CIT: variants seen among roughly 807,000 people sequenced by gnomAD.
CIT encodes the protein citron rho-interacting serine/threonine kinase, also known as citron Rho-interacting kinase.
In CIT, 79 loss-of-function variants were observed where a neutral mutation model predicts 272.7. The observed-to-expected ratio is 0.29, with a 90% CI of 0.24 to 0.35. CIT has a LOEUF of 0.35. Among genes scored for constraint, CIT ranks in the 10% least tolerant of loss-of-function variants. CIT has a pLI of 1.00. For synonymous variants in CIT, 948 were observed against 995.6 expected, an observed-to-expected ratio of 0.95 and a Z score of 0.90; for missense variants, 1,909 against 2,618.3, an observed-to-expected ratio of 0.73 and a Z score of 5.91.
rs936258258 is a variant in CIT at position 119,687,501 on chromosome 12, G to A, written c.*731C>T. The stretch of plus-strand genomic sequence containing the variant: ...CCCCAAGTCACTGCCTCCGAGCTGA[G>A]GCCCCGATGACCTCCATACATTCTC... On this transcript the variant is annotated 3_prime_UTR_variant, in exon 48 of 48. Coordinates refer to ENST00000392521, the MANE Select transcript of CIT (RefSeq NM_001206999.2). 3 of 152,612 alleles carry A rather than the reference G, an allele frequency of 2.0e-5. No individual in the cohort carries two copies. Among genetic ancestry groups the A allele is most frequent in the African/African-American group, 7.2e-5 (3 of 41,414 alleles). 9.5% of individuals were successfully genotyped at this position (152,612 alleles called of 1,614,324 possible). A position where few individuals can be genotyped will look rare whatever the true frequency, so the allele number is the denominator to read the frequency against.
rs1019637713 is a variant in CIT, at chr12:119,728,820, T to C, written c.3487-214A>G. ...ATGGAAATTATTTCTAAGGGATGGC[T>C]CTTAAATATGGCTGTGACAAGTTCT... On this transcript the variant is annotated intron_variant, in intron 27 of 47. Transcript: ENST00000392521. This position sits in a 1 kb window ranked among gnomAD's most constrained non-coding sequence, Gnocchi z 4.3. 9.2e-5 allele frequency among the ~76,000 whole-genome samples: 14 copies of C among 152,250 alleles called. No individual in the cohort carries two copies. Among genetic ancestry groups the C allele is most frequent in the African/African-American group, 3.4e-4 (14 of 41,458 alleles).
Position 119,709,787 on chromosome 12 carries a change from AGTGTGTGTGTGTGTGTGT to A in CIT, c.5071+446_5071+463del, listed in dbSNP as rs150206566. Among the ~76,000 whole-genome samples, 195 of 107,676 alleles carry A rather than the reference AGTGTGTGTGTGTGTGTGT, an allele frequency of 1.8e-3. 1 individual carries two copies. The highest frequency in any genetic ancestry group is 4.1e-3 in the African/African-American group (119 of 28,780). 70.6% of individuals were successfully genotyped at this position (107,676 alleles called of 152,430 possible). On this transcript the variant is annotated intron_variant, in intron 39 of 47. Transcript: ENST00000392521. ...AAGAGAGAGAGAGAGAGAGAGAGAGAGTGTGTGTGTGTGTGTGTGTGTGTGTGTGTGTGTGTGTGTGTG... is the reference window on the plus strand; with the variant it reads ...AAGAGAGAGAGAGAGAGAGAGAGAGAGTGTGTGTGTGTGTGTGTGTGTGTG...
chr12:119,828,453 G>A (rs914256133), intron 7 of CIT, among the ~76,000 whole-genome samples: 29 of 151,814 alleles, frequency 1.9e-4, no homozygotes, highest in African/African-American at 7.0e-4. Context: ...ACTCTCCTCT[G>A]GTGGCAATTC....
At chr12:119,852,179 T>G (rs1347954827) in intron 4 of CIT, among the ~76,000 whole-genome samples, 1 of 152,214 alleles carries the variant, frequency 6.6e-6, no homozygotes, top group African/African-American at 2.4e-5. Flanking sequence ...TCTGCTCTGA[T>G]GCAATAAGAA....
intron 5 of CIT, among the ~76,000 whole-genome samples, chr12:119,836,679 C>T (rs1389253753): frequency 6.6e-6 from 1 of 152,122 alleles, no homozygotes; most frequent in African/African-American, 2.4e-5. Context: ...TTATAAATTT[C>T]CTATGGCTGT....
intron 24 of CIT, among the ~76,000 whole-genome samples, chr12:119,740,358 T>C (rs1958997288): frequency 6.6e-6 from 1 of 152,212 alleles, no homozygotes; most frequent in African/African-American, 2.4e-5. Flanking sequence ...AAGGAAACTT[T>C]TGAGGGTCAT....
chr12:119,861,383 C>T (rs1017254827), intron 3 of CIT, among the ~76,000 whole-genome samples: 4 of 152,064 alleles, frequency 2.6e-5, no homozygotes, highest in African/African-American at 4.8e-5. Context: ...GTCAAGAGTT[C>T]AAGACCAGCC....
chr12:119,845,054 A>T (rs2138207352), intron 5 of CIT, among the ~76,000 whole-genome samples: 1 of 152,178 alleles, frequency 6.6e-6, no homozygotes, highest in Non-Finnish European at 1.5e-5. Context: ...CAGGAGGTGG[A>T]GGTTGCACTG....
chr12:119,702,515 G>A (rs1001032856), intron 41 of CIT, among the ~76,000 whole-genome samples: 4 of 151,896 alleles, frequency 2.6e-5, no homozygotes, highest in Admixed American at 6.6e-5. Flanking sequence ...GTGAAACCCC[G>A]TCTCTACTAA....
intron 5 of CIT, among the ~76,000 whole-genome samples, chr12:119,847,206 G>C (rs1287061221): frequency 6.6e-6 from 1 of 152,118 alleles, no homozygotes; most frequent in Admixed American, 6.6e-5. Context: ...GGATGGTCTC[G>C]ATCTCCTGAC....
intron 44 of CIT, among the ~76,000 whole-genome samples, chr12:119,699,541 C>A (rs1381041435): frequency 1.3e-5 from 2 of 152,226 alleles, no homozygotes; most frequent in Non-Finnish European, 2.9e-5. Flanking sequence ...CTGCTCTAAC[C>A]AGTAGAGCGT....
rs879917156 is a variant in CIT, at chr12:119,770,926, C to T, written c.2083-16G>A. The T allele has an allele frequency of 6.8e-6, 11 of 1,612,236 alleles. No individual in the cohort carries two copies. The Admixed American group carries it at 8.3e-5, about 12-fold the overall frequency. ...GGCGGCGTTCCTGTAGATCATGAAT[C>T]AATCAGAGAGTTTTAATGGAGTAAC... On this transcript the variant is annotated splice_polypyrimidine_tract_variant and intron_variant, in intron 17 of 47. Coordinates refer to ENST00000392521, the MANE Select transcript of CIT (RefSeq NM_001206999.2). The surrounding 1 kb of genome is among the most constrained non-coding windows in gnomAD (Gnocchi z 4.4).
At chr12:119,853,582 T>C (rs781292378) in intron 4 of CIT, among the ~76,000 whole-genome samples, 2 of 152,108 alleles carry the variant, frequency 1.3e-5, no homozygotes, top group African/African-American at 2.4e-5. Flanking sequence ...CAGGTTTTGA[T>C]ATGCTAGTTA....
intron 9 of CIT, among the ~76,000 whole-genome samples, chr12:119,810,021 T>C (rs1053196318): frequency 1.3e-5 from 2 of 152,204 alleles, no homozygotes; most frequent in Middle Eastern, 3.2e-3. Context: ...TCCTTTGCAA[T>C]GTCCTTTAGA....
At chr12:119,762,901 C>T (rs1245895569) in intron 19 of CIT, among the ~76,000 whole-genome samples, 3 of 152,098 alleles carry the variant, frequency 2.0e-5, no homozygotes, top group Non-Finnish European at 2.9e-5. Flanking sequence ...TAGTAATTAG[C>T]TGGGCATGGT....
intron 7 of CIT, among the ~76,000 whole-genome samples, chr12:119,827,038 C>T (rs1309610317): frequency 2.6e-5 from 4 of 152,094 alleles, no homozygotes; most frequent in Admixed American, 1.3e-4. Context: ...TACCTCTTCC[C>T]TAGGGCCCAC....
At chr12:119,759,803 C>A (rs970819579) in intron 20 of CIT, among the ~76,000 whole-genome samples, 1 of 152,156 alleles carries the variant, frequency 6.6e-6, no homozygotes, top group South Asian at 2.1e-4. Flanking sequence ...AGCTTCTCTA[C>A]AGCAAAGTTT....
intron 41 of CIT, among the ~76,000 whole-genome samples, chr12:119,702,912 G>A (rs1016398574): frequency 4.6e-5 from 7 of 152,008 alleles, no homozygotes; most frequent in Non-Finnish European, 1.0e-4. Context: ...CATCATTATT[G>A]TCATCTTAAT....
intron 7 of CIT, among the ~76,000 whole-genome samples, chr12:119,829,287 A>G (rs1968415970): frequency 6.6e-6 from 1 of 151,838 alleles, no homozygotes; most frequent in Admixed American, 6.6e-5. Flanking sequence ...GCAGTGAGCC[A>G]AGGTCGCCCA....
Sources: gnomAD v4.1 joint callset for allele counts (sites outside exome capture counted in the v4.1 genomes callset) on GRCh38, gnomAD v4.1.1 for gene constraint, Gnocchi (gnomAD v3.1) non-coding constraint, MANE v1.5 for transcripts, NCBI Gene and HGNC (gene_info 2026-07-23, HGNC 2026-07-21) for gene names.